MS4A12: variants seen among roughly 807,000 people sequenced by gnomAD.
MS4A12 encodes the protein membrane-spanning 4-domains subfamily A member 12.
MS4A12 carries 28 observed loss-of-function variants against 23.7 expected under a neutral mutation model. The ratio of observed to expected loss-of-function variants is 1.18; its 90% confidence interval spans 0.88 to 1.62. The LOEUF is 1.62. Among genes scored for constraint, MS4A12 ranks in the 40% most tolerant of loss-of-function variants. MS4A12 has a pLI of 0.00. For missense variants in MS4A12, 342 were observed against 327.0 expected (o/e 1.05, Z -0.35); for synonymous variants, 108 against 110.1 (o/e 0.98, Z 0.12).
chr11:60,504,363 G>T (rs532780171), intron 5 of MS4A12, among the ~76,000 whole-genome samples: 6 of 152,144 alleles, frequency 3.9e-5, no homozygotes, highest in Admixed American at 3.3e-4. Flanking sequence ...GAAATGGGTG[G>T]CCCAAGGGCA....
intron 6 of MS4A12, 81 bp downstream of exon 6, chr11:60,506,919 C>T (rs2086575009): frequency 2.2e-5 from 34 of 1,528,754 alleles, no homozygotes; most frequent in South Asian, 6.7e-5. Context: ...ATCCTACTAT[C>T]GGCTTACCAG....
At position 60,497,376 on chromosome 11, in the gene MS4A12, T is replaced by C. The variant is rs566039195; in HGVS notation, c.58T>C (p.Tyr20His). 1.4e-5 allele frequency: 22 copies of C among 1,614,182 alleles called. No individual in the cohort carries two copies. The highest frequency in any genetic ancestry group is 1.9e-5 in the Non-Finnish European group (22 of 1,180,014). The part of the protein sequence containing the change: ...AEVNETIPNP[Y>H]PPSSFMAPGF... The stretch of plus-strand genomic sequence containing the variant: ...AGTAAATGAAACCATACCCAACCCT[T>C]ACCCACCAAGCAGCTTTATGGCTCC... Residue 20 changes from tyrosine (Y) to histidine (H), a missense_variant, in exon 2 of 7, where the codon TAC becomes CAC. Coordinates refer to ENST00000016913, the MANE Select transcript of MS4A12 (RefSeq NM_017716.3).
Position 60,497,379 on chromosome 11 carries a change from C to A in MS4A12, c.61C>A (p.Pro21Thr), listed in dbSNP as rs746776765. The change falls in exon 2 of 7, where the codon CCA (proline) becomes ACA (threonine). Residue 21 changes from proline (P) to threonine (T), a missense_variant. By Grantham distance (38) the Pro-to-Thr change is conservative. Coordinates refer to ENST00000016913, the MANE Select transcript of MS4A12 (RefSeq NM_017716.3). ...AAATGAAACCATACCCAACCCTTAC[C>A]CACCAAGCAGCTTTATGGCTCCTGG... is the stretch of plus-strand genomic sequence containing the variant. ...EVNETIPNPY[P>T]PSSFMAPGFQ... 35 of 1,614,042 alleles carry A rather than the reference C, an allele frequency of 2.2e-5. No homozygotes were observed. The highest frequency in any genetic ancestry group is 2.7e-5 in the Non-Finnish European group (32 of 1,180,028).
At chr11:60,500,716 G>A (rs2086523790) in intron 2 of MS4A12, among the ~76,000 whole-genome samples, 1 of 152,210 alleles carries the variant, frequency 6.6e-6, no homozygotes, top group Non-Finnish European at 1.5e-5. Flanking sequence ...CACAGTTAAA[G>A]TATTGTTTTT....
At position 60,501,180 on chromosome 11, in the gene MS4A12, T is replaced by G. The variant is rs2086527805; in HGVS notation, c.412T>G (p.Ser138Ala). ...TGGATACCCATTCTGGGGTGGCCTT[T>G]CTGTGAGTAGATTGCTAGAACACCA... Reference protein sequence around the residue: ...IGGYPFWGGLSFIISGSLSVS... With the variant: ...IGGYPFWGGLAFIISGSLSVS... The change falls in exon 3 of 7, where the codon TCT becomes GCT. Residue 138 changes from serine (S) to alanine (A), a missense_variant and splice_region_variant. Coordinates refer to ENST00000016913, the MANE Select transcript of MS4A12 (RefSeq NM_017716.3). The G allele has an allele frequency of 6.2e-7, 1 of 1,603,524 alleles. No homozygotes were observed. Among genetic ancestry groups the G allele is most frequent in the African/African-American group, 1.3e-5 (1 of 74,148 alleles).
intron 3 of MS4A12, 41 bp from the exon 4 acceptor site, chr11:60,501,942 C>A (rs1477016184): frequency 1.4e-5 from 22 of 1,538,974 alleles, no homozygotes; most frequent in Non-Finnish European, 1.6e-5. Context: ...CAAGCACAAC[C>A]AGTTAACCCA....
chr11:60,497,115 G>A (rs1227481334), intron 1 of MS4A12, among the ~76,000 whole-genome samples, 198 bp from the exon 2 acceptor site: 1 of 152,228 alleles, frequency 6.6e-6, no homozygotes, highest in African/African-American at 2.4e-5. Flanking sequence ...GTTTCCAACA[G>A]ACCACAGACA....
rs2086498641 is a variant in MS4A12 at position 60,497,558 on chromosome 11, A to T, written c.240A>T (p.Ala80=). The part of the protein sequence containing the change: ...IQMINPSVGT[A]VMNFKEEAKA... ...TGATAAATCCAAGTGTGGGAACAGC[A>T]GTAATGAACTTTAAAGAAGAAGCAA... Residue 80 remains alanine, a synonymous_variant, in exon 2 of 7, where the codon GCA becomes GCT. Transcript: ENST00000016913. 5.6e-6 allele frequency: 9 copies of T among 1,614,092 alleles called. No individual in the cohort carries two copies. The highest frequency in any genetic ancestry group is 6.8e-6 in the Non-Finnish European group (8 of 1,180,018).
chr11:60,507,091 A>G lies in MS4A12; in HGVS notation c.771A>G (p.Arg257=), dbSNP rs1353197104. Residue 257 remains arginine, a synonymous_variant, in exon 7 of 7, where the codon AGA becomes AGG. Coordinates refer to ENST00000016913, the MANE Select transcript of MS4A12 (RefSeq NM_017716.3). ...VTPASSSAPP[R]CNNYSANAPK is the part of the protein sequence containing the mutation. ...CAGCGTCTTCTTCAGCTCCTCCCAG[A>G]TGCAACAACTACTCAGCTAATGCCC... 1 of 1,613,902 alleles carries G rather than the reference A, an allele frequency of 6.2e-7. No individual in the cohort carries two copies. Among genetic ancestry groups the G allele is most frequent in the East Asian group, 2.2e-5 (1 of 44,894 alleles).
intron 1 of MS4A12, among the ~76,000 whole-genome samples, chr11:60,494,300 A>G (rs1461607795): frequency 6.6e-6 from 1 of 152,248 alleles, no homozygotes; most frequent in Non-Finnish European, 1.5e-5. Context: ...AACAGCAGAT[A>G]TGAAAGGAGA....
At chr11:60,492,894 C>A (rs1425891134) in intron 1 of MS4A12, 66 bp downstream of exon 1, 1 of 152,170 alleles carries the variant, frequency 6.6e-6, no homozygotes, top group Admixed American at 6.5e-5. Context: ...TGTGGCTGGT[C>A]TACCTGTGTG....
At chr11:60,493,956 A>G (rs574710787) in intron 1 of MS4A12, among the ~76,000 whole-genome samples, 2 of 152,342 alleles carry the variant, frequency 1.3e-5, no homozygotes, top group South Asian at 4.1e-4. Flanking sequence ...GTTCTTAAAA[A>G]TAATTGCAGT....
chr11:60,506,057 A>G (rs1474291318), intron 5 of MS4A12, among the ~76,000 whole-genome samples: 1 of 152,196 alleles, frequency 6.6e-6, no homozygotes, highest in African/African-American at 2.4e-5. Flanking sequence ...ATGGATATAA[A>G]ACAACCGCTA....
At chr11:60,498,563 A>T (rs1011736557) in intron 2 of MS4A12, among the ~76,000 whole-genome samples, 2 of 152,222 alleles carry the variant, frequency 1.3e-5, no homozygotes, top group Non-Finnish European at 2.9e-5. Context: ...TTGGAATATC[A>T]TTAAGCACAA....
chr11:60,499,278 G>A (rs1296698311), intron 2 of MS4A12, among the ~76,000 whole-genome samples: 1 of 152,156 alleles, frequency 6.6e-6, no homozygotes, highest in Non-Finnish European at 1.5e-5. Context: ...CAGACAAATT[G>A]TATGTCCAAA....
intron 1 of MS4A12, among the ~76,000 whole-genome samples, chr11:60,495,097 A>C (rs2086478036): frequency 6.7e-6 from 1 of 149,458 alleles, no homozygotes; most frequent in Non-Finnish European, 1.5e-5. Context: ...GGTTCACACC[A>C]TTCTCCTGCC....
chr11:60,503,010 C>T lies in MS4A12; in HGVS notation c.472-691C>T, dbSNP rs142653144. ...GAGAACTTCAGGAGGCTCTAAGGCA[C>T]GCTGCAGCACAAGCACATTCTAAAG... On this transcript the variant is annotated intron_variant, in intron 4 of 6. Transcript: ENST00000016913. 3.6e-3 allele frequency among the ~76,000 whole-genome samples: 554 copies of T among 152,254 alleles called. 7 individuals carry two copies. The highest frequency in any genetic ancestry group is 0.013 in the African/African-American group (523 of 41,534).
intron 2 of MS4A12, chr11:60,497,842 G>T: frequency 2.2e-6 from 1 of 460,726 alleles, no homozygotes; most frequent in South Asian, 2.7e-5. Flanking sequence ...CGTGACAGAA[G>T]CACTGTTACA....
Position 60,507,290 on chromosome 11 carries a change from T to C in MS4A12, c.*166T>C. 1 of 610,976 alleles carries C rather than the reference T, an allele frequency of 1.6e-6. No individual in the cohort carries two copies. The highest frequency in any genetic ancestry group is 2.9e-6 in the Non-Finnish European group (1 of 346,250). The allele number at this position is 610,976 out of a possible 1,614,324, so 37.8% of individuals were successfully genotyped here. ...ATGATGGCTGTATCTCCCTTCACTG[T>C]CTCTTCCTACATTACCACTACTACA... On this transcript the variant is annotated 3_prime_UTR_variant, in exon 7 of 7. Coordinates refer to ENST00000016913, the MANE Select transcript of MS4A12 (RefSeq NM_017716.3).
Sources: gnomAD v4.1 joint callset for allele counts (sites outside exome capture counted in the v4.1 genomes callset) on GRCh38, gnomAD v4.1.1 for gene constraint, MANE v1.5 for transcripts, NCBI Gene and HGNC (gene_info 2026-07-23, HGNC 2026-07-21) for gene names.